SINHCAF: variants seen among roughly 807,000 people sequenced by gnomAD.
The protein encoded by SINHCAF is SIN3-HDAC complex-associated factor.
In SINHCAF, 3 loss-of-function variants were observed where a neutral mutation model predicts 25.8. That is an observed-to-expected ratio of 0.12 (90% CI 0.05 to 0.30). The LOEUF (loss-of-function observed/expected upper bound fraction) is 0.30, where lower values mean the gene tolerates loss of function less well. Ranked by LOEUF, SINHCAF falls within the 10% of genes least tolerant of loss-of-function variation. The pLI, the probability that SINHCAF is intolerant of heterozygous loss-of-function variation, is 1.00. For missense variants in SINHCAF, 121 were observed against 262.3 expected, an observed-to-expected ratio of 0.46 and a Z score of 3.72; for synonymous variants, 70 against 85.5, an observed-to-expected ratio of 0.82 and a Z score of 1.00.
In SINHCAF at chr12:31,320,644, G is replaced by A. The variant is rs906238222; in HGVS notation, c.-21+5380C>T. 3.3e-5 allele frequency among the ~76,000 whole-genome samples: 5 copies of A among 152,240 alleles called. No individual in the cohort carries two copies. In the East Asian group the frequency reaches 7.7e-4, roughly 23 times the overall value. The stretch of plus-strand genomic sequence containing the variant: ...GGGAAATGGTGTCTACAATAAAGAC[G>A]TGAATTTTAAAAACTAATGTTTTGA... On this transcript the variant is annotated intron_variant, in intron 1 of 5. Transcript: ENST00000337682.
chr12:31,311,938 CT>C, intron 1 of SINHCAF: 3 of 594,316 alleles, frequency 5.0e-6, no homozygotes, highest in Admixed American at 2.0e-5. Context: ...AATGTGTGGC[CT>C]TTTGATTGGT....
At chr12:31,323,420 A>G (rs970037682) in intron 1 of SINHCAF, among the ~76,000 whole-genome samples, 3 of 152,208 alleles carry the variant, frequency 2.0e-5, no homozygotes, top group Admixed American at 2.0e-4. Flanking sequence ...TTAAATTATT[A>G]AAAGAAAAAG....
At chr12:31,314,912 T>C (rs575541384) in intron 1 of SINHCAF, among the ~76,000 whole-genome samples, 46 of 152,366 alleles carry the variant, frequency 3.0e-4, no homozygotes, top group African/African-American at 9.4e-4. Context: ...AGCTGGGGTT[T>C]CTAAAGGTGG....
At position 31,324,507 on chromosome 12, in the gene SINHCAF, G is replaced by A. The variant is rs536760849; in HGVS notation, c.-21+1517C>T. The A allele has an allele frequency of 6.1e-6, 1 of 164,998 alleles. No individual in the cohort carries two copies. Among genetic ancestry groups the A allele is most frequent in the South Asian group, 1.5e-4 (1 of 6,704 alleles). The allele number at this position is 164,998 out of a possible 1,614,324, so 10.2% of individuals were successfully genotyped here. A position where few individuals can be genotyped will look rare whatever the true frequency, so the allele number is the denominator to read the frequency against. ...ACCAGCATGGCACCTCGCACAAGTA[G>A]CGCCGCCAAAGTTTCCCCACGAGGG... On this transcript the variant is annotated intron_variant, in intron 1 of 5. Transcript: ENST00000337682. The surrounding 1 kb of genome is among the most constrained non-coding windows in gnomAD (Gnocchi z 5.5).
At chr12:31,303,979 A>C (rs899966307) in intron 1 of SINHCAF, 10 of 152,234 alleles carry the variant, frequency 6.6e-5, no homozygotes, top group African/African-American at 2.2e-4. Context: ...AGGCACTGTG[A>C]GCTACTGCAC....
chr12:31,305,496 G>A (rs2137109460), intron 1 of SINHCAF, among the ~76,000 whole-genome samples: 1 of 152,202 alleles, frequency 6.6e-6, no homozygotes, highest in East Asian at 1.9e-4. Context: ...CAAAGGTTGA[G>A]CAATACCAAG....
intron 4 of SINHCAF, among the ~76,000 whole-genome samples, chr12:31,292,114 TAAGGG>T (rs1354655570): frequency 2.0e-5 from 3 of 152,216 alleles, no homozygotes; most frequent in Non-Finnish European, 4.4e-5. Flanking sequence ...TCTCTATAAT[TAAGGG>T]AAAGGGCTAA....
At chr12:31,317,104 C>T (rs969900378) in intron 1 of SINHCAF, among the ~76,000 whole-genome samples, 3 of 152,134 alleles carry the variant, frequency 2.0e-5, no homozygotes, top group Admixed American at 6.5e-5. Flanking sequence ...CCTTTCAAAA[C>T]TCAGTAATAC....
At chr12:31,309,962 C>T (rs770710387) in intron 1 of SINHCAF, among the ~76,000 whole-genome samples, 3 of 151,954 alleles carry the variant, frequency 2.0e-5, no homozygotes, top group Admixed American at 1.3e-4. Context: ...CCACCGTGCC[C>T]GGCCAACTTG....
intron 2 of SINHCAF, 41 bp downstream of exon 2, chr12:31,298,036 T>G (rs1938617657): frequency 1.3e-6 from 2 of 1,587,928 alleles, no homozygotes; most frequent in Non-Finnish European, 8.6e-7. Context: ...GCTGTGGTAT[T>G]TTTTCACTCT....
At chr12:31,311,915 G>C (rs922190619) in intron 1 of SINHCAF, 1 of 555,464 alleles carries the variant, frequency 1.8e-6, no homozygotes, top group South Asian at 1.5e-5. Context: ...TTAATGACTA[G>C]TATCTTTTCA....
chr12:31,299,795 T>C (rs764219293), intron 1 of SINHCAF, among the ~76,000 whole-genome samples: 18 of 152,206 alleles, frequency 1.2e-4, no homozygotes, highest in Admixed American at 5.2e-4. Context: ...GGCATCCTTG[T>C]GCAGACATCA....
chr12:31,308,460 T>C (rs1939124726), intron 1 of SINHCAF, among the ~76,000 whole-genome samples: 1 of 152,210 alleles, frequency 6.6e-6, no homozygotes, highest in Non-Finnish European at 1.5e-5. Flanking sequence ...TCTATCAGGA[T>C]TGATGCTCAA....
chr12:31,280,665 A>G lies in SINHCAF; in HGVS notation c.*2047T>C. ...AAGTATCCAACAGTATAAAAAGTAC[A>G]AAACAGATCTGTAGATTTCTAATAT... On this transcript the variant is annotated 3_prime_UTR_variant, in exon 6 of 6. Transcript: ENST00000337682. 1 of 152,602 alleles carries G rather than the reference A, an allele frequency of 6.6e-6. No homozygotes were observed. Among genetic ancestry groups the G allele is most frequent in the Non-Finnish European group, 1.5e-5 (1 of 68,020 alleles). 9.5% of individuals were successfully genotyped at this position (152,602 alleles called of 1,614,324 possible). A position where few individuals can be genotyped will look rare whatever the true frequency, so the allele number is the denominator to read the frequency against.
Position 31,310,866 on chromosome 12 carries a change from C to T in SINHCAF, c.-20-12642G>A, listed in dbSNP as rs114433685. The stretch of plus-strand genomic sequence containing the variant: ...CATCGCTGGATTTTAATCTAATCTA[C>T]GATCTTTTTTTTTTTTTTTTTCCTG... On this transcript the variant is annotated intron_variant, in intron 1 of 5. Coordinates refer to ENST00000337682, the MANE Select transcript of SINHCAF (RefSeq NM_001135812.2). Among the ~76,000 whole-genome samples, 467 of 150,672 alleles carry T rather than the reference C, an allele frequency of 3.1e-3. 1 individual carries two copies. The highest frequency in any genetic ancestry group is 0.011 in the African/African-American group (450 of 40,930).
intron 1 of SINHCAF, chr12:31,303,328 A>G: frequency 1.5e-6 from 1 of 673,682 alleles, no homozygotes; most frequent in Non-Finnish European, 1.8e-6. Flanking sequence ...GCTCATTCCC[A>G]GGAAGTCATG....
intron 1 of SINHCAF, among the ~76,000 whole-genome samples, chr12:31,318,776 A>C (rs1483118465): frequency 3.3e-5 from 5 of 152,116 alleles, no homozygotes; most frequent in Non-Finnish European, 5.9e-5. Context: ...GATGATTATG[A>C]GTTAGAAAAT....
intron 3 of SINHCAF, among the ~76,000 whole-genome samples, chr12:31,294,964 C>A (rs919077492): frequency 1.3e-5 from 2 of 152,132 alleles, no homozygotes; most frequent in African/African-American, 4.8e-5. Context: ...CTGGGAATTA[C>A]TGAGTTAAGC....
intron 1 of SINHCAF, among the ~76,000 whole-genome samples, chr12:31,299,653 T>C (rs752721115): frequency 3.9e-5 from 6 of 152,188 alleles, no homozygotes; most frequent in Admixed American, 6.5e-5. Flanking sequence ...TCCATAGTTT[T>C]AGGAGTTATT....
Sources: gnomAD v4.1 joint callset for allele counts (sites outside exome capture counted in the v4.1 genomes callset) on GRCh38, gnomAD v4.1.1 for gene constraint, Gnocchi (gnomAD v3.1) non-coding constraint, MANE v1.5 for transcripts, NCBI Gene and HGNC (gene_info 2026-07-23, HGNC 2026-07-21) for gene names.